The following NCOR2 variants were observed in gnomAD, a reference collection of about 807,000 sequenced individuals.
NCOR2 encodes the protein CTG repeat protein 26.
In NCOR2, 81 loss-of-function variants were observed where a neutral mutation model predicts 262.9. The ratio of observed to expected loss-of-function variants is 0.31; its 90% CI spans 0.26 to 0.37. The LOEUF (loss-of-function observed/expected upper bound fraction) is 0.37. Ranked by LOEUF, NCOR2 falls within the 10% of genes least tolerant of loss-of-function variation. NCOR2 has a pLI of 1.00. For missense variants in NCOR2, 3,385 were observed against 3,621.4 expected, an observed-to-expected ratio of 0.93 and a Z score of 1.68; for synonymous variants, 1,659 against 1,559.3, an observed-to-expected ratio of 1.06 and a Z score of -1.51.
In NCOR2 at chr12:124,504,850, C is replaced by G. The variant is rs147553749; in HGVS notation, c.-117-9482G>C. Among the ~76,000 whole-genome samples, 2 of 152,100 alleles carry G rather than the reference C, an allele frequency of 1.3e-5. No individual in the cohort carries two copies. The highest frequency in any genetic ancestry group is 4.8e-5 in the African/African-American group (2 of 41,408). ...AGATTCCCAGGACAGAACAAAGGCC[C>G]GAGGCTGCCAGGGGTTGTGGGGAGG... On this transcript the variant is annotated intron_variant, in intron 1 of 46. Transcript: ENST00000404621. The surrounding 1 kb of genome is among the most constrained non-coding windows in gnomAD (Gnocchi z 4.5).
At chr12:124,559,764 T>G (rs2052008905) in intron 1 of NCOR2, among the ~76,000 whole-genome samples, 1 of 152,100 alleles carries the variant, frequency 6.6e-6, no homozygotes, top group Non-Finnish European at 1.5e-5. Context: ...CATAAACCAG[T>G]GATTGCAGAA....
At chr12:124,553,939 G>A (rs1315018652) in intron 1 of NCOR2, among the ~76,000 whole-genome samples, 3 of 152,172 alleles carry the variant, frequency 2.0e-5, no homozygotes, top group Non-Finnish European at 2.9e-5. Flanking sequence ...GGGAGTGGGG[G>A]AGCTGGGGAA....
chr12:124,514,687 AAAT>A (rs1342959338), intron 1 of NCOR2: 2 of 152,108 alleles, frequency 1.3e-5, no homozygotes, highest in Non-Finnish European at 2.9e-5. Context: ...TCTCCACTCA[AAAT>A]ACAAAAATTA....
chr12:124,373,322 GAGGC>G, intron 19 of NCOR2, among the ~76,000 whole-genome samples: 5 of 43,148 alleles, frequency 1.2e-4, no homozygotes, highest in African/African-American at 3.4e-4. Context: ...GGACAATCAT[GAGGC>G]CAGTGCGTGT....
chr12:124,422,605 T>C, intron 11 of NCOR2, 50 bp from the exon 14 acceptor site: 2 of 1,606,570 alleles, frequency 1.2e-6, no homozygotes, highest in Non-Finnish European at 1.7e-6. Flanking sequence ...GGGGCTTTCC[T>C]GCGGGGCAGC....
intron 2 of NCOR2, among the ~76,000 whole-genome samples, chr12:124,486,041 G>A (rs544786901): frequency 6.6e-6 from 1 of 151,840 alleles, no homozygotes; most frequent in Non-Finnish European, 1.5e-5. Context: ...AAGTAAGGCT[G>A]GCCCAGCACA....
intron 6 of NCOR2, 122 bp downstream of exon 8, chr12:124,456,984 G>A (rs1157726229): frequency 9.5e-6 from 7 of 734,614 alleles, no homozygotes; most frequent in East Asian, 9.1e-5. Flanking sequence ...CTCCGCGGAC[G>A]CCGCCTGGGC....
chr12:124,450,787 C>T (rs2045473925), intron 6 of NCOR2, among the ~76,000 whole-genome samples: 1 of 152,236 alleles, frequency 6.6e-6, no homozygotes, highest in African/African-American at 2.4e-5. Flanking sequence ...AGCCTAGGTT[C>T]AAGTCCCGGT....
chr12:124,489,753 G>C (rs1395536699), intron 1 of NCOR2, among the ~76,000 whole-genome samples: 1 of 152,234 alleles, frequency 6.6e-6, no homozygotes, highest in Non-Finnish European at 1.5e-5. Flanking sequence ...TCATCCAGGA[G>C]GGAATCCCAG....
intron 13 of NCOR2, among the ~76,000 whole-genome samples, chr12:124,409,055 T>C (rs562887282): frequency 8.5e-5 from 13 of 152,334 alleles, no homozygotes; most frequent in Admixed American, 2.0e-4. Context: ...AAGCTGGTTG[T>C]TAAACATTTA....
chr12:124,382,068 T>C (rs928629819), intron 17 of NCOR2, among the ~76,000 whole-genome samples: 1 of 152,126 alleles, frequency 6.6e-6, no homozygotes, highest in African/African-American at 2.4e-5. Flanking sequence ...GTGACATGTC[T>C]TCCTGTACTC....
intron 16 of NCOR2, among the ~76,000 whole-genome samples, 156 bp from the exon 19 acceptor site, chr12:124,386,043 G>A (rs1399580552): frequency 6.6e-6 from 1 of 152,152 alleles, no homozygotes; most frequent in Non-Finnish European, 1.5e-5. Context: ...ACAGTGATGG[G>A]CCACGTGTCC....
intron 1 of NCOR2, among the ~76,000 whole-genome samples, chr12:124,490,749 A>T (rs1179976866): frequency 6.6e-6 from 1 of 152,224 alleles, no homozygotes; most frequent in Non-Finnish European, 1.5e-5. Flanking sequence ...GCCTTAGCCC[A>T]GGGCAGTACT....
At chr12:124,541,890 AGC>A (rs1288257073) in intron 1 of NCOR2, among the ~76,000 whole-genome samples, 2 of 16,338 alleles carry the variant, frequency 1.2e-4, no homozygotes, top group Non-Finnish European at 2.3e-4. Context: ...GGGAGTGGAG[AGC>A]TGGAGGGGGA....
chr12:124,490,474 G>A (rs1212981510), intron 1 of NCOR2, among the ~76,000 whole-genome samples: 2 of 148,448 alleles, frequency 1.3e-5, no homozygotes, highest in African/African-American at 4.9e-5. Flanking sequence ...CTCCCAGCAT[G>A]GGAGCTCCCA....
Position 124,419,485 on chromosome 12 carries a change from G to A in NCOR2, c.1482+472C>T, listed in dbSNP as rs577074535. ...TTTCAGTCTCATCCCAAGCAACGGC[G>A]TCTGAAAAAACGGCGAGCTGAAGTA... On this transcript the variant is annotated intron_variant, in intron 13 of 46. Transcript: ENST00000405201. 1.1e-4 allele frequency among the ~76,000 whole-genome samples: 16 copies of A among 152,272 alleles called. No individual in the cohort carries two copies. The South Asian group carries it at 2.9e-3, about 28-fold the overall frequency.
chr12:124,375,601 A>G (rs561035509), intron 18 of NCOR2, among the ~76,000 whole-genome samples: 17 of 152,280 alleles, frequency 1.1e-4, no homozygotes, highest in African/African-American at 3.8e-4. Context: ...CACCAAAAAT[A>G]AAAAATAGAA....
rs1593080173 is a variant in NCOR2 at position 124,332,089 on chromosome 12, G to C, written c.6904+230C>G. On this transcript the variant is annotated intron_variant, in intron 43 of 46. Transcript: ENST00000405201. ...TCACTGGGCACCTACTATGTGCTGG[G>C]TGCTATTCTTCTGTGCCAGTAAGCT... is the stretch of plus-strand genomic sequence containing the variant. 1.8e-5 allele frequency: 10 copies of C among 560,130 alleles called. No homozygotes were observed. The East Asian group carries it at 3.1e-4, about 17-fold the overall frequency. 34.7% of individuals were successfully genotyped at this position (560,130 alleles called of 1,614,324 possible).
At chr12:124,431,241 CGTACA>C (rs967559616) in intron 8 of NCOR2, among the ~76,000 whole-genome samples, 1 of 151,386 alleles carries the variant, frequency 6.6e-6, no homozygotes, top group African/African-American at 2.4e-5. Context: ...CACAGGCACA[CGTACA>C]TACAGGCACA....
Sources: allele counts gnomAD v4.1 joint callset (sites outside exome capture counted in the v4.1 genomes callset), GRCh38; gene constraint gnomAD v4.1.1; non-coding constraint Gnocchi (gnomAD v3.1); transcripts MANE v1.5; gene names NCBI Gene and HGNC (gene_info 2026-07-23, HGNC 2026-07-21).